The following ANP32E variants were observed in gnomAD, a reference collection of about 807,000 sequenced individuals.
ANP32E encodes the protein acidic nuclear phosphoprotein 32 family member E.
A neutral mutation model predicts 35.3 loss-of-function variants in ANP32E; 14 were observed. The observed-to-expected ratio is 0.40, with a 90% CI of 0.26 to 0.62. ANP32E has a LOEUF of 0.62. ANP32E is among the 20% of genes least tolerant of loss of function. The pLI, the probability that ANP32E is intolerant of heterozygous loss-of-function variation, is 0.45. For synonymous variants in ANP32E, 89 were observed against 110.4 expected (o/e 0.81, Z 1.22); for missense variants, 198 against 304.4 (o/e 0.65, Z 2.60).
intron 1 of ANP32E, among the ~76,000 whole-genome samples, chr1:150,233,264 CAAAAAAA>C (rs60732970): frequency 5.8e-5 from 5 of 86,426 alleles, no homozygotes; most frequent in Admixed American, 3.9e-4. Flanking sequence ...GACTCTATCT[CAAAAAAA>C]AAAAAAAAAA....
rs1446934419 is a variant in ANP32E, at chr1:150,231,076, A to G, written c.205-383T>C. On this transcript the variant is annotated intron_variant, in intron 2 of 6. Transcript: ENST00000583931. ...ATTTTTAAAGTATATCAATTTGAAG[A>G]AAAAAAACTGTCATTCTCTCTGGCT... is the stretch of plus-strand genomic sequence containing the variant. Among the ~76,000 whole-genome samples the G allele has an allele frequency of 2.6e-5, 4 of 151,844 alleles. No homozygotes were observed. The South Asian group carries it at 8.3e-4, about 32-fold the overall frequency.
rs1220170436 is a variant in ANP32E at position 150,235,551 on chromosome 1, G to T, written c.54+182C>A. Among the ~76,000 whole-genome samples, 6 of 152,176 alleles carry T rather than the reference G, an allele frequency of 3.9e-5. No individual in the cohort carries two copies. Among genetic ancestry groups the T allele is most frequent in the Admixed American group, 3.9e-4 (6 of 15,274 alleles). On this transcript the variant is annotated intron_variant, in intron 1 of 6. Coordinates refer to ENST00000583931, the MANE Select transcript of ANP32E (RefSeq NM_030920.5). The surrounding 1 kb of genome is among the most constrained non-coding windows in gnomAD (Gnocchi z 4.2). ...ACGCCCCTAGAAACTTCAACCCTTC[G>T]CCATTTTAAGTAGAAGATTTTAATG... is the stretch of plus-strand genomic sequence containing the variant.
At chr1:150,228,939 AT>A (rs1462035010) in intron 4 of ANP32E, 132 bp downstream of exon 4, 1 of 743,680 alleles carries the variant, frequency 1.3e-6, no homozygotes, top group Non-Finnish European at 2.2e-6. Flanking sequence ...TGGGTTTTTA[AT>A]TTTTTCTTGT....
chr1:150,229,973 G>T (rs1265076335), intron 3 of ANP32E, among the ~76,000 whole-genome samples: 4 of 152,142 alleles, frequency 2.6e-5, no homozygotes, highest in African/African-American at 9.6e-5. Flanking sequence ...AATGATTTTT[G>T]TATTTTTCGA....
At chr1:150,229,637 C>T (rs1199110372) in intron 3 of ANP32E, among the ~76,000 whole-genome samples, 3 of 152,248 alleles carry the variant, frequency 2.0e-5, no homozygotes, top group Admixed American at 6.5e-5. Context: ...CGCCTCCACA[C>T]GCAGCTAATT....
intron 5 of ANP32E, among the ~76,000 whole-genome samples, chr1:150,224,135 C>G (rs1240937265): frequency 1.3e-5 from 2 of 151,538 alleles, no homozygotes; most frequent in Non-Finnish European, 2.9e-5. Context: ...CTATAAGGAG[C>G]GAAAGGAATA....
In ANP32E at chr1:150,226,594, A is replaced by G. The variant is rs587746557; in HGVS notation, c.681+14T>C. ...GAAATTAATTTTCAGTGCAGGTAAGAAGTGTGTATTCACCTGAATTTCTTC... is the reference window on the plus strand; with the variant it reads ...GAAATTAATTTTCAGTGCAGGTAAGGAGTGTGTATTCACCTGAATTTCTTC... On this transcript the variant is annotated intron_variant, in intron 5 of 6. Transcript: ENST00000583931. The G allele has an allele frequency of 3.1e-6, 5 of 1,612,372 alleles. No individual in the cohort carries two copies. The East Asian group carries it at 8.9e-5, about 29-fold the overall frequency.
chr1:150,223,187 C>T lies in ANP32E; in HGVS notation c.735G>A (p.Glu245=), dbSNP rs782487801. The T allele has an allele frequency of 3.3e-6, 5 of 1,509,192 alleles. No homozygotes were observed. The Admixed American group carries it at 7.8e-5, about 24-fold the overall frequency. 93.5% of individuals were successfully genotyped at this position (1,509,192 alleles called of 1,614,324 possible). ...TTGTTTATGGCTAATGTAACTCACC[C>T]TCTTCTTCCTCTTCTTCCCCTTCTT... ...YVEEGEEEEE[E]EEGGLRGEKR... The change falls in exon 6 of 7, where the codon GAG becomes GAA. Residue 245 remains glutamate (E), a splice_region_variant and synonymous_variant. Coordinates refer to ENST00000583931, the MANE Select transcript of ANP32E (RefSeq NM_030920.5).
At position 150,235,210 on chromosome 1, in the gene ANP32E, G is replaced by T. The variant is rs1289511278; in HGVS notation, c.54+523C>A. Among the ~76,000 whole-genome samples, 1 of 152,336 alleles carries T rather than the reference G, an allele frequency of 6.6e-6. No homozygotes were observed. The highest frequency in any genetic ancestry group is 1.9e-4 in the East Asian group (1 of 5,182). On this transcript the variant is annotated intron_variant, in intron 1 of 6. Transcript: ENST00000583931. This position sits in a 1 kb window ranked among gnomAD's most constrained non-coding sequence, Gnocchi z 4.2. ...GGCGCCGCCGGAGCAGACAGTGCGC[G>T]GACCCTGCAAGCGACCCCAGCCCGC...
At position 150,236,063 on chromosome 1, in the gene ANP32E, T is replaced by G; in HGVS notation, c.-277A>C. 5.3e-6 allele frequency: 2 copies of G among 380,628 alleles called. No homozygotes were observed. Among genetic ancestry groups the G allele is most frequent in the Non-Finnish European group, 9.7e-6 (2 of 206,824 alleles). The allele number at this position is 380,628 out of a possible 1,614,324, so 23.6% of individuals were successfully genotyped here. ...GCGCGCACACACATACACACACACA[T>G]ACACACACACACCCGCAGTTCCTTC... On this transcript the variant is annotated 5_prime_UTR_variant, in exon 1 of 7. The change abolishes an upstream ATG in the 5' untranslated region. Coordinates refer to ENST00000583931, the MANE Select transcript of ANP32E (RefSeq NM_030920.5).
Position 150,226,612 on chromosome 1 carries a change from A to G in ANP32E, c.677T>C (p.Ile226Thr), listed in dbSNP as rs1393020274. 1 of 1,613,282 alleles carries G rather than the reference A, an allele frequency of 6.2e-7. No homozygotes were observed. Among genetic ancestry groups the G allele is most frequent in the African/African-American group, 1.3e-5 (1 of 74,870 alleles). Residue 226 changes from isoleucine (I) to threonine (T), a missense_variant, in exon 5 of 7, where the codon ATT becomes ACT. Around this residue, in one of 4 missense-constraint regions of ANP32E, gnomAD observed 121 missense variants for 137.3 expected, o/e 0.88. Transcript: ENST00000583931. ...AGGTAAGAAGTGTGTATTCACCTGA[A>G]TTTCTTCTTTCATTAAGTATGAGAG... ...VGLSYLMKEE[I>T]QDEEDDDDYV...
chr1:150,235,043 C>T lies in ANP32E; in HGVS notation c.54+690G>A, dbSNP rs1649664994. Among the ~76,000 whole-genome samples, 1 of 152,210 alleles carries T rather than the reference C, an allele frequency of 6.6e-6. No individual in the cohort carries two copies. The highest frequency in any genetic ancestry group is 2.1e-4 in the South Asian group (1 of 4,834). On this transcript the variant is annotated intron_variant, in intron 1 of 6. Transcript: ENST00000583931. This position sits in a 1 kb window ranked among gnomAD's most constrained non-coding sequence, Gnocchi z 4.2. ...TATCGTTACACGGCGGGGGAAGAAG[C>T]GGATTACGCCTCCCGTCCCCTCTCC...
At chr1:150,232,000 C>A in intron 1 of ANP32E, 74 bp from the exon 2 acceptor site, 1 of 1,420,908 alleles carries the variant, frequency 7.0e-7, no homozygotes, top group South Asian at 1.3e-5. Context: ...GGTCTTGACA[C>A]TCTGGAAATG....
intron 3 of ANP32E, 30 bp downstream of exon 3, chr1:150,230,541 C>G: frequency 6.5e-7 from 1 of 1,528,732 alleles, no homozygotes; most frequent in Non-Finnish European, 8.8e-7. Flanking sequence ...CCAAAAAAAG[C>G]AAGTCCAGAG....
chr1:150,219,027 T>C lies in ANP32E; in HGVS notation c.*1664A>G, dbSNP rs978974754. The C allele has an allele frequency of 6.6e-6, 1 of 152,234 alleles. No homozygotes were observed. The highest frequency in any genetic ancestry group is 1.5e-5 in the Non-Finnish European group (1 of 68,036). The allele number at this position is 152,234 out of a possible 1,614,324, so 9.4% of individuals were successfully genotyped here. ...TCCCCAAGGGTTTTCTTTCGGTCAG[T>C]TGTACAACATTTTTAGTTTCTCCAC... On this transcript the variant is annotated 3_prime_UTR_variant, in exon 7 of 7. Coordinates refer to ENST00000583931, the MANE Select transcript of ANP32E (RefSeq NM_030920.5).
rs147406013 is a variant in ANP32E at position 150,232,415 on chromosome 1, C to T, written c.55-489G>A. Among the ~76,000 whole-genome samples, 61 of 151,004 alleles carry T rather than the reference C, an allele frequency of 4.0e-4. No individual in the cohort carries two copies. In the East Asian group the frequency reaches 0.011, roughly 27 times the overall value. Reference sequence around the variant, plus strand: ...TTACACGGATCCTTTTCATTTCCCCCCAAAACTGATATACAATCTAAAGTC... The same window carrying T: ...TTACACGGATCCTTTTCATTTCCCCTCAAAACTGATATACAATCTAAAGTC... On this transcript the variant is annotated intron_variant, in intron 1 of 6. Transcript: ENST00000583931.
At position 150,219,232 on chromosome 1, in the gene ANP32E, T is replaced by C. The variant is rs1559991094; in HGVS notation, c.*1459A>G. On this transcript the variant is annotated 3_prime_UTR_variant, in exon 7 of 7. Coordinates refer to ENST00000583931, the MANE Select transcript of ANP32E (RefSeq NM_030920.5). The stretch of plus-strand genomic sequence containing the variant: ...AATATTCAAAACAAAGGGAAAAAAT[T>C]TTAGATAGCCAAGATTTAAAAAGCC... 1 of 152,086 alleles carries C rather than the reference T, an allele frequency of 6.6e-6. No individual in the cohort carries two copies. The highest frequency in any genetic ancestry group is 1.5e-5 in the Non-Finnish European group (1 of 68,002). The allele number at this position is 152,086 out of a possible 1,614,324, so 9.4% of individuals were successfully genotyped here. A position where few individuals can be genotyped will look rare whatever the true frequency, so the allele number is the denominator to read the frequency against.
At position 150,230,684 on chromosome 1, in the gene ANP32E, T is replaced by C; in HGVS notation, c.214A>G (p.Ser72Gly). 6.2e-7 allele frequency: 1 copy of C among 1,606,340 alleles called. No homozygotes were observed. Among genetic ancestry groups the C allele is most frequent in the Non-Finnish European group, 8.5e-7 (1 of 1,178,054 alleles). ...AAGCCTCCAGAAATTATATTATCAC[T>C]AAGCTCCAACTATACATTCAACAAA... ...SLNKLRKLEL[S>G]DNIISGGLEV... The change falls in exon 3 of 7, where the codon AGT (serine) becomes GGT (glycine). Residue 72 changes from serine (S) to glycine (G), a missense_variant. Transcript: ENST00000583931.
intron 6 of ANP32E, among the ~76,000 whole-genome samples, chr1:150,221,180 G>A (rs1648332717): frequency 6.7e-6 from 1 of 148,272 alleles, no homozygotes; most frequent in Middle Eastern, 3.4e-3. Flanking sequence ...GCTCACGCCA[G>A]TAATTCCAAT....
Sources: allele counts gnomAD v4.1 joint callset (sites outside exome capture counted in the v4.1 genomes callset), GRCh38; gene constraint gnomAD v4.1.1; regional missense constraint gnomAD v4.1.1; non-coding constraint Gnocchi (gnomAD v3.1); transcripts MANE v1.5; gene names NCBI Gene and HGNC (gene_info 2026-07-23, HGNC 2026-07-21).